APBA2: variants seen among roughly 807,000 people sequenced by gnomAD.
The protein encoded by APBA2 is amyloid-beta A4 precursor protein-binding family A member 2.
A neutral mutation model predicts 75.0 loss-of-function variants in APBA2; 30 were observed. The ratio of observed to expected loss-of-function variants is 0.40; its 90% CI spans 0.30 to 0.54. The LOEUF (loss-of-function observed/expected upper bound fraction) is 0.54, where lower values mean the gene tolerates loss of function less well. APBA2 is among the 20% of genes least tolerant of loss of function. The pLI, the probability that APBA2 is intolerant of heterozygous loss-of-function variation, is 0.49. For missense variants in APBA2, 801 were observed against 1,016.1 expected (o/e 0.79, Z 2.88); for synonymous variants, 444 against 409.6 (o/e 1.08, Z -1.01).
intron 2 of APBA2, among the ~76,000 whole-genome samples, chr15:28,945,961 G>A (rs1403826497): frequency 1.3e-5 from 2 of 152,200 alleles, no homozygotes; most frequent in Non-Finnish European, 2.9e-5. Flanking sequence ...AGGCTGTTTG[G>A]TGTTTGTGCC....
Position 28,937,313 on chromosome 15 carries a change from A to G in APBA2, c.-95+15564A>G, listed in dbSNP as rs937415559. On this transcript the variant is annotated intron_variant, in intron 2 of 14. Coordinates refer to ENST00000683413, the MANE Select transcript of APBA2 (RefSeq NM_001353788.2). The stretch of plus-strand genomic sequence containing the variant: ...GATGGTGCTGGGGAGGAAGGGCAAT[A>G]TCTAAGGATGTATTGAGAGGGTCAC... Among the ~76,000 whole-genome samples the G allele has an allele frequency of 2.6e-5, 4 of 152,140 alleles. No homozygotes were observed. The East Asian group carries it at 5.8e-4, about 22-fold the overall frequency.
intron 4 of APBA2, among the ~76,000 whole-genome samples, chr15:29,060,231 G>A (rs1376625535): frequency 6.6e-6 from 1 of 152,124 alleles, no homozygotes; most frequent in East Asian, 1.9e-4. Flanking sequence ...CAGTGTTGGC[G>A]GTGACTGCCA....
rs576855110 is a variant in APBA2 at position 29,017,628 on chromosome 15, C to T, written c.-41+21822C>T. ...TCAAGTGATCCGTCCACCCTGGCCTCCCAAAGTGCTGGGATTACAGGCATG... is the reference window on the plus strand; with the variant it reads ...TCAAGTGATCCGTCCACCCTGGCCTTCCAAAGTGCTGGGATTACAGGCATG... On this transcript the variant is annotated intron_variant, in intron 3 of 14. Transcript: ENST00000683413. 2.6e-5 allele frequency among the ~76,000 whole-genome samples: 4 copies of T among 152,236 alleles called. No individual in the cohort carries two copies. The South Asian group carries it at 8.3e-4, about 32-fold the overall frequency.
At chr15:28,977,561 C>T (rs974764920) in intron 2 of APBA2, 8 of 152,178 alleles carry the variant, frequency 5.3e-5, no homozygotes, top group Non-Finnish European at 1.2e-4. Context: ...GATTCAGCCC[C>T]ATGCCATCCT....
intron 11 of APBA2, 21 bp downstream of exon 11, chr15:29,105,579 T>G: frequency 6.2e-7 from 1 of 1,612,360 alleles, no homozygotes; most frequent in South Asian, 1.1e-5. Flanking sequence ...CCCACCAGCC[T>G]CAGGGAGGCC....
intron 9 of APBA2, 68 bp downstream of exon 9, chr15:29,098,644 T>C: frequency 1.6e-6 from 2 of 1,285,254 alleles, no homozygotes; most frequent in Non-Finnish European, 1.1e-6. Flanking sequence ...TGTCCCATGG[T>C]ATAGGCCCTC....
chr15:29,073,058 T>G (rs1355504462), intron 4 of APBA2, among the ~76,000 whole-genome samples: 1 of 152,160 alleles, frequency 6.6e-6, no homozygotes, highest in East Asian at 1.9e-4. Context: ...CAGCAATCAT[T>G]CCAACTACCT....
chr15:29,101,217 C>CT (rs11333657), intron 9 of APBA2, among the ~76,000 whole-genome samples: 2,969 of 142,574 alleles, frequency 0.021, 69 homozygotes, highest in African/African-American at 0.054. Context: ...ATTGGAGTGC[C>CT]TTTTTTTTTT....
Position 28,922,714 on chromosome 15 carries a change from C to T in APBA2, c.-95+965C>T, listed in dbSNP as rs117616584. The stretch of plus-strand genomic sequence containing the variant: ...CCCAGACCCTGTTCCCAGGAGCTGG[C>T]TCAGCACCATCCTGCTCCACACCCT... On this transcript the variant is annotated intron_variant, in intron 2 of 14. Transcript: ENST00000683413. Among the ~76,000 whole-genome samples, 794 of 152,292 alleles carry T rather than the reference C, an allele frequency of 5.2e-3. 2 individuals are homozygous for T. Among genetic ancestry groups the T allele is most frequent in the Admixed American group, 7.2e-3 (110 of 15,300 alleles).
intron 4 of APBA2, among the ~76,000 whole-genome samples, chr15:29,073,840 T>C (rs892292569): frequency 3.3e-5 from 5 of 152,202 alleles, no homozygotes; most frequent in African/African-American, 1.2e-4. Context: ...AGGAACTAAA[T>C]AGAGAAAATA....
chr15:29,110,470 G>A lies in APBA2; in HGVS notation c.2037+2081G>A, dbSNP rs543230048. Among the ~76,000 whole-genome samples the A allele has an allele frequency of 1.3e-5, 2 of 152,384 alleles. 1 individual carries two copies. The highest frequency in any genetic ancestry group is 4.8e-5 in the African/African-American group (2 of 41,596). ...GCCAGTGCTGCTCACTGACAGCCCT[G>A]TCGCTGTGAGCCCTGCAGGAGAGGC... On this transcript the variant is annotated intron_variant, in intron 13 of 14. Transcript: ENST00000683413.
intron 4 of APBA2, among the ~76,000 whole-genome samples, chr15:29,064,518 C>T (rs1202570267): frequency 6.6e-6 from 1 of 152,166 alleles, no homozygotes; most frequent in Non-Finnish European, 1.5e-5. Flanking sequence ...AGGCAGGCTT[C>T]CAGGACAGGC....
At chr15:29,089,192 G>A (rs1160023754) in intron 6 of APBA2, among the ~76,000 whole-genome samples, 1 of 152,204 alleles carries the variant, frequency 6.6e-6, no homozygotes, top group Non-Finnish European at 1.5e-5. Flanking sequence ...CTTAACACCG[G>A]TCTTTATACA....
intron 1 of APBA2, among the ~76,000 whole-genome samples, chr15:28,904,118 C>A (rs547006539): frequency 6.6e-6 from 1 of 152,302 alleles, no homozygotes; most frequent in South Asian, 2.1e-4. Context: ...TTAGTTATCA[C>A]ATATGAATTC....
chr15:29,081,886 G>A (rs959485060), intron 6 of APBA2, among the ~76,000 whole-genome samples: 1 of 152,212 alleles, frequency 6.6e-6, no homozygotes, highest in Admixed American at 6.5e-5. Flanking sequence ...GTTCTTTTAT[G>A]GAGGCGGTTC....
chr15:29,027,896 CCCGG>C (rs1292475552), intron 3 of APBA2, among the ~76,000 whole-genome samples: 1 of 152,098 alleles, frequency 6.6e-6, no homozygotes, highest in Non-Finnish European at 1.5e-5. Flanking sequence ...AGCCACCGTG[CCCGG>C]CCTAGTCTTA....
At chr15:29,108,601 G>A (rs542118253) in intron 13 of APBA2, 4 of 710,214 alleles carry the variant, frequency 5.6e-6, no homozygotes, top group Non-Finnish European at 9.2e-6. Flanking sequence ...GCATGGCCGT[G>A]GATTGGGCCC....
chr15:28,895,861 C>T (rs2032450095), intron 1 of APBA2, among the ~76,000 whole-genome samples: 1 of 152,074 alleles, frequency 6.6e-6, no homozygotes, highest in South Asian at 2.1e-4. Flanking sequence ...GAGGTAATCC[C>T]AGCACTTTGG....
chr15:29,018,959 G>A (rs1231842104), intron 3 of APBA2, among the ~76,000 whole-genome samples: 1 of 152,174 alleles, frequency 6.6e-6, no homozygotes, highest in Non-Finnish European at 1.5e-5. Flanking sequence ...AGAGGAAATG[G>A]GCTGATGTGT....
Sources: gnomAD v4.1 joint callset for allele counts (sites outside exome capture counted in the v4.1 genomes callset) on GRCh38, gnomAD v4.1.1 for gene constraint, MANE v1.5 for transcripts, NCBI Gene and HGNC (gene_info 2026-07-23, HGNC 2026-07-21) for gene names.